The following KCTD1 variants were observed in gnomAD, a reference collection of about 807,000 sequenced individuals.
The protein encoded by KCTD1 is potassium channel tetramerization domain containing 1, also known as BTB/POZ domain-containing protein KCTD1.
Under a neutral mutation model 66.0 loss-of-function variants are expected in KCTD1, and 24 were observed. The observed-to-expected ratio is 0.36, with a 90% confidence interval of 0.26 to 0.51. The LOEUF is 0.51. Among genes scored for constraint, KCTD1 ranks in the 20% least tolerant of loss-of-function variants. The pLI, the probability that KCTD1 is intolerant of heterozygous loss-of-function variation, is 0.95. For synonymous variants in KCTD1, 511 were observed against 517.2 expected (o/e 0.99, Z 0.16); for missense variants, 943 against 1,205.2 (o/e 0.78, Z 3.22).
At chr18:26,553,791 C>T (rs937857675) in intron 1 of KCTD1, among the ~76,000 whole-genome samples, 2 of 149,432 alleles carry the variant, frequency 1.3e-5, no homozygotes, top group Middle Eastern at 3.2e-3. Context: ...GTTTCCCAAG[C>T]TTGATAGCAA....
At chr18:26,560,141 GA>G (rs199584163) in intron 1 of KCTD1, among the ~76,000 whole-genome samples, 21,204 of 103,778 alleles carry the variant, frequency 0.2, 1,929 homozygotes, top group African/African-American at 0.32. Flanking sequence ...CCCCCCACCA[GA>G]AAAAAAAAAA....
chr18:26,640,898 C>G (rs1987820159), upstream of KCTD1, among the ~76,000 whole-genome samples: 1 of 151,992 alleles, frequency 6.6e-6, no homozygotes, highest in African/African-American at 2.4e-5. Flanking sequence ...CTTGGGGACA[C>G]AGAGAGGACA....
chr18:26,590,805 T>G (rs1986583086), intron 1 of KCTD1, among the ~76,000 whole-genome samples: 1 of 152,156 alleles, frequency 6.6e-6, no homozygotes, highest in Non-Finnish European at 1.5e-5. Flanking sequence ...TCACATTTTA[T>G]CTTGTGTTCA....
intron 3 of KCTD1, among the ~76,000 whole-genome samples, chr18:26,469,079 C>T (rs1247497369): frequency 6.6e-6 from 1 of 152,166 alleles, no homozygotes; most frequent in African/African-American, 2.4e-5. Flanking sequence ...TCCCAGAACA[C>T]CCTGTACTGT....
intron 1 of KCTD1, among the ~76,000 whole-genome samples, chr18:26,505,181 A>G (rs1338601827): frequency 1.3e-5 from 2 of 152,390 alleles, no homozygotes; most frequent in South Asian, 2.1e-4. Flanking sequence ...GGCCTTGGCC[A>G]GGGATGCCAA....
At chr18:26,557,805 A>G (rs1317522197) in intron 1 of KCTD1, among the ~76,000 whole-genome samples, 1 of 152,186 alleles carries the variant, frequency 6.6e-6, no homozygotes. Context: ...AATTTTGCCT[A>G]CCATTTCAGC....
At chr18:26,482,855 G>A (rs1028323483) in intron 2 of KCTD1, among the ~76,000 whole-genome samples, 4 of 152,192 alleles carry the variant, frequency 2.6e-5, no homozygotes, top group African/African-American at 9.7e-5. Context: ...GTGAGGCTGG[G>A]GAAAGAAGTG....
At chr18:26,480,657 A>G (rs966187063) in intron 2 of KCTD1, among the ~76,000 whole-genome samples, 3 of 152,094 alleles carry the variant, frequency 2.0e-5, no homozygotes, top group African/African-American at 7.2e-5. Context: ...AATCCCAGCA[A>G]CTCGGGAGGT....
chr18:26,615,255 T>C (rs1032665597), intron 1 of KCTD1, among the ~76,000 whole-genome samples: 2 of 152,216 alleles, frequency 1.3e-5, no homozygotes, highest in South Asian at 2.1e-4. Context: ...GGCTCCCAGC[T>C]GCTCAGTGGC....
chr18:26,504,376 C>T (rs1383815358), intron 1 of KCTD1, among the ~76,000 whole-genome samples: 1 of 152,106 alleles, frequency 6.6e-6, no homozygotes, highest in Admixed American at 6.5e-5. Flanking sequence ...ACTACAGGCG[C>T]AGGCCACTAA....
chr18:26,526,574 TG>T (rs1249940982), intron 1 of KCTD1, among the ~76,000 whole-genome samples: 1 of 152,178 alleles, frequency 6.6e-6, no homozygotes, highest in Non-Finnish European at 1.5e-5. Context: ...AAGAGAAAGA[TG>T]CTAGGGAAAT....
At position 26,547,565 on chromosome 18, in the gene KCTD1, C is replaced by T. The variant is rs1985311315; in HGVS notation, c.972G>A (p.Glu324=). ...TCMYFCTRGR[E]NQRELEEDSF... is the part of the protein sequence containing the mutation. ...AGTCCTCCTCCAACTCACGCTGGTTCTCGCGGCCGCGGGTACAGAAGTACA... is the reference window on the plus strand; with the variant it reads ...AGTCCTCCTCCAACTCACGCTGGTTTTCGCGGCCGCGGGTACAGAAGTACA... Residue 324 remains glutamate, a synonymous_variant, in exon 1 of 5, where the codon GAG becomes GAA. Coordinates refer to ENST00000580059, the MANE Select transcript of KCTD1 (RefSeq NM_001142730.3). 2 of 1,551,516 alleles carry T rather than the reference C, an allele frequency of 1.3e-6. No homozygotes were observed. The highest frequency in any genetic ancestry group is 1.4e-5 in the African/African-American group (1 of 73,062).
At chr18:26,533,827 TAAA>T (rs143763803) in intron 1 of KCTD1, among the ~76,000 whole-genome samples, 2,905 of 130,378 alleles carry the variant, frequency 0.022, 82 homozygotes, top group African/African-American at 0.073. Flanking sequence ...AGCTATTATT[TAAA>T]AAAAAAAAAA....
chr18:26,533,157 G>C (rs1368398665), intron 1 of KCTD1, among the ~76,000 whole-genome samples: 2 of 152,152 alleles, frequency 1.3e-5, no homozygotes, highest in Non-Finnish European at 2.9e-5. Flanking sequence ...TTGATTGTGG[G>C]AACAAATTCT....
chr18:26,506,174 G>A (rs73399584), intron 1 of KCTD1, among the ~76,000 whole-genome samples: 22,408 of 152,070 alleles, frequency 0.15, 1,864 homozygotes, highest in African/African-American at 0.16. Context: ...TAGCCACCGC[G>A]CCCAGCCCAT....
At chr18:26,553,299 G>GT (rs1234563360), upstream of KCTD1, among the ~76,000 whole-genome samples, 2 of 152,136 alleles carry the variant, frequency 1.3e-5, no homozygotes, top group Non-Finnish European at 2.9e-5. Context: ...CTTGAGTAAT[G>GT]TTTTTTGAAC....
rs189291244 is a variant in KCTD1, at chr18:26,622,631, C to A, written c.-16+6516G>T. 8.5e-5 allele frequency among the ~76,000 whole-genome samples: 13 copies of A among 152,212 alleles called. No homozygotes were observed. The East Asian group carries it at 2.1e-3, about 25-fold the overall frequency. Reference sequence around the variant, plus strand: ...CATAAAGAAAGGAAAGATTCTTAATCAAAAATAACGTGAATATGCATATGA... The same window carrying A: ...CATAAAGAAAGGAAAGATTCTTAATAAAAAATAACGTGAATATGCATATGA... On this transcript the variant is annotated intron_variant, in intron 1 of 4. Coordinates refer to the KCTD1 transcript ENST00000317932.
intron 1 of KCTD1, among the ~76,000 whole-genome samples, chr18:26,607,850 C>T (rs1354212032): frequency 6.6e-6 from 1 of 152,162 alleles, no homozygotes; most frequent in Admixed American, 6.5e-5. Flanking sequence ...TCACTGCAGC[C>T]TCAAACTCCC....
chr18:26,646,617 T>C (rs1288504359), intron 1 of KCTD1, among the ~76,000 whole-genome samples: 1 of 152,130 alleles, frequency 6.6e-6, no homozygotes, highest in Non-Finnish European at 1.5e-5. Flanking sequence ...GAAAAAAAAG[T>C]GTGACTCTAA....
Sources: allele counts gnomAD v4.1 joint callset (sites outside exome capture counted in the v4.1 genomes callset), GRCh38; gene constraint gnomAD v4.1.1; transcripts MANE v1.5; gene names NCBI Gene and HGNC (gene_info 2026-07-23, HGNC 2026-07-21).